The following RNF150 variants were observed in gnomAD, a reference collection of about 807,000 sequenced individuals.
RNF150 encodes ring finger protein 150.
Under a neutral mutation model 39.3 loss-of-function variants are expected in RNF150, and 24 were observed. The ratio of observed to expected loss-of-function variants is 0.61; its 90% CI spans 0.44 to 0.86. The LOEUF (loss-of-function observed/expected upper bound fraction) is 0.86. Ranked by LOEUF, RNF150 falls within the 40% of genes least tolerant of loss-of-function variation. RNF150 has a pLI of 0.00. For synonymous variants in RNF150, 255 were observed against 227.3 expected, an observed-to-expected ratio of 1.12 and a Z score of -1.10; for missense variants, 502 against 587.8, an observed-to-expected ratio of 0.85 and a Z score of 1.51.
intron 1 of RNF150, among the ~76,000 whole-genome samples, chr4:141,016,147 G>T (rs945032488): frequency 6.6e-6 from 1 of 151,870 alleles, no homozygotes; most frequent in Non-Finnish European, 1.5e-5. Context: ...TACTGCGTCC[G>T]TCCCTGACAA....
At chr4:140,907,510 T>C (rs924579969) in intron 6 of RNF150, among the ~76,000 whole-genome samples, 1 of 152,176 alleles carries the variant, frequency 6.6e-6, no homozygotes, top group Non-Finnish European at 1.5e-5. Context: ...TCATGAGTGC[T>C]GAAATGACCT....
At chr4:141,068,452 G>A (rs1214354444) in intron 1 of RNF150, among the ~76,000 whole-genome samples, 1 of 152,112 alleles carries the variant, frequency 6.6e-6, no homozygotes, top group Non-Finnish European at 1.5e-5. Flanking sequence ...TGCTGTTTTG[G>A]TTACTGTAGC....
intron 1 of RNF150, among the ~76,000 whole-genome samples, chr4:141,042,701 G>A (rs1298697710): frequency 1.3e-5 from 2 of 152,082 alleles, no homozygotes; most frequent in East Asian, 3.9e-4. Flanking sequence ...TGAAGGGGTA[G>A]TGCTTCTTAT....
At chr4:141,095,553 G>GA (rs1367835564) in intron 1 of RNF150, among the ~76,000 whole-genome samples, 2 of 152,118 alleles carry the variant, frequency 1.3e-5, no homozygotes, top group East Asian at 1.9e-4. Context: ...AATTCTAAGG[G>GA]AAAAATCAGA....
chr4:141,133,954 C>CA (rs1446158793), upstream of RNF150, among the ~76,000 whole-genome samples: 1 of 152,184 alleles, frequency 6.6e-6, no homozygotes, highest in Non-Finnish European at 1.5e-5. Flanking sequence ...GCATTTCTAA[C>CA]AAGTTCCCAG....
Position 141,053,311 on chromosome 4 carries a change from G to T in RNF150, c.484+79014C>A, listed in dbSNP as rs192870649. Among the ~76,000 whole-genome samples the T allele has an allele frequency of 3.1e-3, 476 of 152,228 alleles. 2 individuals are homozygous for T. Among genetic ancestry groups the T allele is most frequent in the African/African-American group, 8.9e-3 (369 of 41,530 alleles). On this transcript the variant is annotated intron_variant, in intron 1 of 6. Coordinates refer to ENST00000515673, the MANE Select transcript of RNF150 (RefSeq NM_020724.2). ...GTACCTACACTTGTCAATAAAATGA[G>T]AATGAAGAATCAGGGTAAATGTATA...
intron 6 of RNF150, among the ~76,000 whole-genome samples, chr4:140,900,188 T>A (rs1730139055): frequency 6.6e-6 from 1 of 152,184 alleles, no homozygotes; most frequent in Non-Finnish European, 1.5e-5. Context: ...AATCTGAAAT[T>A]GCTGCTTTAT....
intron 1 of RNF150, among the ~76,000 whole-genome samples, chr4:141,108,888 TG>T (rs764554403): frequency 2.0e-5 from 3 of 152,210 alleles, no homozygotes; most frequent in Non-Finnish European, 4.4e-5. Flanking sequence ...CCTTAACCGC[TG>T]CAGCTCAGGC....
chr4:141,170,166 C>T (rs1011927055), intron 1 of RNF150, among the ~76,000 whole-genome samples: 1 of 152,062 alleles, frequency 6.6e-6, no homozygotes, highest in Non-Finnish European at 1.5e-5. Flanking sequence ...ACTTAATGAG[C>T]CTTTTCAGAC....
chr4:141,195,828 A>C (rs1408101613), intron 1 of RNF150, among the ~76,000 whole-genome samples: 1 of 152,222 alleles, frequency 6.6e-6, no homozygotes, highest in Non-Finnish European at 1.5e-5. Flanking sequence ...CGAAACATGC[A>C]TCACGATTCT....
intron 1 of RNF150, among the ~76,000 whole-genome samples, chr4:141,194,651 C>T (rs1269506123): frequency 6.6e-6 from 1 of 152,074 alleles, no homozygotes; most frequent in Non-Finnish European, 1.5e-5. Context: ...TCACACAATG[C>T]TAGAGTACCA....
chr4:140,948,001 G>C (rs1480022735), intron 3 of RNF150, among the ~76,000 whole-genome samples: 1 of 152,128 alleles, frequency 6.6e-6, no homozygotes, highest in Non-Finnish European at 1.5e-5. Context: ...ATTATAATTA[G>C]AGGCAACATA....
In RNF150 at chr4:141,047,020, T is replaced by C. The variant is rs536735144; in HGVS notation, c.485-79147A>G. 2.0e-5 allele frequency among the ~76,000 whole-genome samples: 3 copies of C among 152,166 alleles called. 1 individual carries two copies. In the South Asian group the frequency reaches 6.2e-4, roughly 32 times the overall value. ...GTCCAAAACTTCTCAGGCTCACGAA[T>C]AGAAATTTAAATCTATTATGACTCA... On this transcript the variant is annotated intron_variant, in intron 1 of 6. Transcript: ENST00000515673.
intron 1 of RNF150, among the ~76,000 whole-genome samples, chr4:140,980,876 T>G (rs1733838486): frequency 6.6e-6 from 1 of 152,164 alleles, no homozygotes; most frequent in Admixed American, 6.6e-5. Context: ...TCTCAAAAAT[T>G]TTTGGTTATT....
At chr4:141,006,829 T>C (rs1734888578) in intron 1 of RNF150, among the ~76,000 whole-genome samples, 1 of 152,230 alleles carries the variant, frequency 6.6e-6, no homozygotes, top group Admixed American at 6.5e-5. Context: ...GAATTGTATT[T>C]GAGAGCACCA....
At chr4:141,058,433 T>C (rs1034025136) in intron 1 of RNF150, among the ~76,000 whole-genome samples, 7 of 152,124 alleles carry the variant, frequency 4.6e-5, no homozygotes, top group African/African-American at 7.2e-5. Flanking sequence ...TACCCTTTGA[T>C]TTTTAGTCTG....
At chr4:141,112,260 C>T (rs1739408683) in intron 1 of RNF150, among the ~76,000 whole-genome samples, 1 of 152,114 alleles carries the variant, frequency 6.6e-6, no homozygotes, top group South Asian at 2.1e-4. Context: ...TGAATTTGAT[C>T]CTGTCATTAT....
intron 6 of RNF150, among the ~76,000 whole-genome samples, chr4:140,878,028 G>A (rs945292794): frequency 6.6e-6 from 1 of 152,144 alleles, no homozygotes; most frequent in African/African-American, 2.4e-5. Context: ...AGTGTTGGCT[G>A]TGGTTTCAAT....
At chr4:140,974,180 C>G (rs1287055070) in intron 1 of RNF150, among the ~76,000 whole-genome samples, 1 of 152,178 alleles carries the variant, frequency 6.6e-6, no homozygotes, top group Non-Finnish European at 1.5e-5. Context: ...AATCCCCTCA[C>G]TCTCTGCTTT....
Sources: gnomAD v4.1 joint callset for allele counts (sites outside exome capture counted in the v4.1 genomes callset) on GRCh38, gnomAD v4.1.1 for gene constraint, MANE v1.5 for transcripts, NCBI Gene and HGNC (gene_info 2026-07-23, HGNC 2026-07-21) for gene names.